MCM8: variants seen among roughly 807,000 people sequenced by gnomAD.
MCM8 encodes DNA helicase MCM8.
MCM8 carries 85 observed loss-of-function variants against 98.9 expected under a neutral mutation model. The ratio of observed to expected loss-of-function variants is 0.86; its 90% CI spans 0.72 to 1.03. The LOEUF is 1.03. Ranked by LOEUF, MCM8 falls within the 50% of genes least tolerant of loss-of-function variation. MCM8 has a pLI of 0.00. For missense variants in MCM8, 951 were observed against 997.8 expected, an observed-to-expected ratio of 0.95 and a Z score of 0.63; for synonymous variants, 352 against 338.6, an observed-to-expected ratio of 1.04 and a Z score of -0.44.
rs1260868201 is a variant in MCM8 at position 5,994,521 on chromosome 20, ACAGT to A, written c.*133_*136del. ...CACACACACACACACACACACACAC[ACAGT>A]CAAATACTGTTCTCTGAAAAATGAT... On this transcript the variant is annotated 3_prime_UTR_variant, in exon 19 of 19. Coordinates refer to ENST00000610722, the MANE Select transcript of MCM8 (RefSeq NM_032485.6). 6.8e-6 allele frequency: 4 copies of A among 588,240 alleles called. No homozygotes were observed. Among genetic ancestry groups the A allele is most frequent in the Non-Finnish European group, 6.0e-6 (2 of 334,474 alleles). 36.4% of individuals were successfully genotyped at this position (588,240 alleles called of 1,614,324 possible).
In MCM8 at chr20:5,954,623, C is replaced by G. The variant is rs1388295456; in HGVS notation, c.269C>G (p.Ser90Cys). 6.2e-7 allele frequency: 1 copy of G among 1,607,476 alleles called. No individual in the cohort carries two copies. The highest frequency in any genetic ancestry group is 8.5e-7 in the Non-Finnish European group (1 of 1,174,408). Residue 90 changes from serine to cysteine, a missense_variant, in exon 4 of 19, where the codon TCT (serine) becomes TGT (cysteine). By Grantham distance (112) the Ser-to-Cys change is moderately radical (BLOSUM62 -1). Coordinates refer to ENST00000610722, the MANE Select transcript of MCM8 (RefSeq NM_032485.6). ...LYFSEVYSDS[S>C]PLIEKIQAFE... Reference sequence around the variant, plus strand: ...GTTGGATTAGTTTACAGCGATAGCTCTCCTTTGATTGAGAAGATTCAAGCA... The same window carrying G: ...GTTGGATTAGTTTACAGCGATAGCTGTCCTTTGATTGAGAAGATTCAAGCA...
intron 10 of MCM8, among the ~76,000 whole-genome samples, chr20:5,969,609 A>T (rs2089357808): frequency 6.6e-6 from 1 of 151,904 alleles, no homozygotes; most frequent in Admixed American, 6.6e-5. Flanking sequence ...AAAAAAAAAA[A>T]AGTGATTTTG....
chr20:5,975,466 C>T (rs2089489342), intron 12 of MCM8, among the ~76,000 whole-genome samples: 1 of 150,188 alleles, frequency 6.7e-6, no homozygotes, highest in African/African-American at 2.4e-5. Context: ...ATACATACTG[C>T]TTGCAGTATA....
intron 12 of MCM8, among the ~76,000 whole-genome samples, chr20:5,977,654 C>T (rs1380383555): frequency 6.6e-6 from 1 of 152,204 alleles, no homozygotes; most frequent in Non-Finnish European, 1.5e-5. Context: ...TGACTTTCCA[C>T]CTTGATAGCT....
At chr20:5,954,785 C>T (rs539991695) in intron 4 of MCM8, 95 bp downstream of exon 4, 1 of 757,158 alleles carries the variant, frequency 1.3e-6, no homozygotes, top group African/African-American at 1.7e-5. Flanking sequence ...TGGAGTCAGA[C>T]TTCCTTGGTT....
At chr20:5,956,387 T>C (rs754443380) in intron 5 of MCM8, among the ~76,000 whole-genome samples, 1 of 152,220 alleles carries the variant, frequency 6.6e-6, no homozygotes, top group Non-Finnish European at 1.5e-5. Context: ...GCCAGCAAAC[T>C]GCTGTGTACA....
In MCM8 at chr20:5,994,297, A is replaced by G; in HGVS notation, c.2431-2A>G. ...GCTAAACCTTTTGATGTTTTCTTCCAGGTTGCTGATTTTGAAAATTTTATT... is the reference window on the plus strand; with the variant it reads ...GCTAAACCTTTTGATGTTTTCTTCCGGGTTGCTGATTTTGAAAATTTTATT... On this transcript the variant is annotated splice_acceptor_variant, in intron 18 of 18. Transcript: ENST00000610722. LOFTEE classifies it high-confidence loss of function. The G allele has an allele frequency of 2.5e-6, 4 of 1,586,462 alleles. No homozygotes were observed. The highest frequency in any genetic ancestry group is 2.3e-5 in the East Asian group (1 of 43,782).
At position 5,950,915 on chromosome 20, in the gene MCM8, C is replaced by G. The variant is rs2088804024; in HGVS notation, c.-114C>G. ...CCCGGAGACTCTTAGCCCCGTGGTG[C>G]TTCTCTACGGGAGGGAGGGAGGGAG... On this transcript the variant is annotated 5_prime_UTR_variant, in exon 1 of 19. Transcript: ENST00000610722. The G allele has an allele frequency of 6.8e-6, 1 of 146,128 alleles. No individual in the cohort carries two copies. The highest frequency in any genetic ancestry group is 2.5e-5 in the African/African-American group (1 of 40,336). 9.1% of individuals were successfully genotyped at this position (146,128 alleles called of 1,614,324 possible).
At chr20:5,966,497 C>T (rs1333493390) in intron 8 of MCM8, among the ~76,000 whole-genome samples, 2 of 151,998 alleles carry the variant, frequency 1.3e-5, no homozygotes, top group Non-Finnish European at 2.9e-5. Context: ...TTTGTAGTGG[C>T]TTATTCCTGT....
intron 8 of MCM8, among the ~76,000 whole-genome samples, chr20:5,967,053 G>T (rs529471897): frequency 6.6e-6 from 1 of 152,170 alleles, no homozygotes; most frequent in African/African-American, 2.4e-5. Context: ...TGCTAAGAAC[G>T]TTGGGTCCCA....
Position 5,995,931 on chromosome 20 carries a change from T to C in MCM8, c.*1540T>C, listed in dbSNP as rs1449209774. ...TAACTATAGGACCAGAACTAAGATG[T>C]GGAGACTATTGCCATAGACCACAAT... On this transcript the variant is annotated 3_prime_UTR_variant, in exon 19 of 19. Transcript: ENST00000610722. The C allele has an allele frequency of 6.6e-6, 1 of 152,218 alleles. No individual in the cohort carries two copies. The highest frequency in any genetic ancestry group is 2.4e-5 in the African/African-American group (1 of 41,454). The allele number at this position is 152,218 out of a possible 1,614,324, so 9.4% of individuals were successfully genotyped here.
intron 16 of MCM8, 54 bp from the exon 17 acceptor site, chr20:5,987,228 C>T (rs1352508674): frequency 6.6e-7 from 1 of 1,524,182 alleles, no homozygotes; most frequent in Non-Finnish European, 9.0e-7. Flanking sequence ...CTTAGACATA[C>T]TATGGTAAAT....
intron 18 of MCM8, 45 bp downstream of exon 18, chr20:5,993,740 C>T: frequency 1.4e-6 from 2 of 1,445,972 alleles, no homozygotes; most frequent in Non-Finnish European, 1.9e-6. Flanking sequence ...TTCAGGAGGT[C>T]CTTGTTAATA....
At chr20:5,976,935 G>C (rs548743950) in intron 12 of MCM8, among the ~76,000 whole-genome samples, 102 of 152,310 alleles carry the variant, frequency 6.7e-4, no homozygotes, top group African/African-American at 2.3e-3. Context: ...CTGGACGACA[G>C]AGTGAGACCC....
chr20:5,965,192 T>C (rs1023857779), intron 8 of MCM8: 1 of 152,228 alleles, frequency 6.6e-6, no homozygotes, highest in African/African-American at 2.4e-5. Flanking sequence ...CGATATGGCA[T>C]TCCCCGGGAT....
At chr20:5,987,406 C>A in intron 17 of MCM8, 48 bp downstream of exon 17, 1 of 1,497,572 alleles carries the variant, frequency 6.7e-7, no homozygotes, top group Non-Finnish European at 9.2e-7. Flanking sequence ...CAGTTATCTT[C>A]CCATCTCAAA....
Position 5,967,902 on chromosome 20 carries a change from G to C in MCM8, c.1100G>C (p.Gly367Ala). Residue 367 changes from glycine to alanine, a missense_variant, in exon 10 of 19, where the codon GGA becomes GCA. Coordinates refer to ENST00000610722, the MANE Select transcript of MCM8 (RefSeq NM_032485.6). ...IEANSISNSKGQKTKSSEDGC... is the reference protein window; with the variant it reads ...IEANSISNSKAQKTKSSEDGC... ...GCAAATTCTATTAGTAATAGCAAAG[G>C]ACAGAAAACAAAGAGTTCTGAGGAT... The C allele has an allele frequency of 6.2e-7, 1 of 1,613,966 alleles. No individual in the cohort carries two copies. Among genetic ancestry groups the C allele is most frequent in the Non-Finnish European group, 8.5e-7 (1 of 1,179,902 alleles).
chr20:5,983,848 A>C lies in MCM8; in HGVS notation c.1733+683A>C, dbSNP rs139294782. Among the ~76,000 whole-genome samples, 495 of 152,360 alleles carry C rather than the reference A, an allele frequency of 3.2e-3. 5 individuals are homozygous for C. The highest frequency in any genetic ancestry group is 0.011 in the African/African-American group (471 of 41,584). Reference sequence around the variant, plus strand: ...CTACTGTTCACAGAAATAGTCATACAAGTGCACAACGATAGGTTTATAGCA... The same window carrying C: ...CTACTGTTCACAGAAATAGTCATACCAGTGCACAACGATAGGTTTATAGCA... On this transcript the variant is annotated intron_variant, in intron 14 of 18. Transcript: ENST00000610722.
At chr20:5,993,963 A>C in intron 18 of MCM8, 2 of 355,658 alleles carry the variant, frequency 5.6e-6, no homozygotes, top group Non-Finnish European at 1.0e-5. Flanking sequence ...CCTACTTCAA[A>C]GTTCTCGTGA....
Sources: allele counts gnomAD v4.1 joint callset (sites outside exome capture counted in the v4.1 genomes callset), GRCh38; gene constraint gnomAD v4.1.1; transcripts MANE v1.5; gene names NCBI Gene and HGNC (gene_info 2026-07-23, HGNC 2026-07-21).